MSH3: variants seen among roughly 807,000 people sequenced by gnomAD.
MSH3 encodes mutS homolog 3.
A neutral mutation model predicts 123.3 loss-of-function variants in MSH3; 106 were observed. That is an observed-to-expected ratio of 0.86 (90% confidence interval 0.73 to 1.01). The LOEUF (loss-of-function observed/expected upper bound fraction) is 1.01. MSH3 is among the 50% of genes least tolerant of loss of function. MSH3 has a pLI of 0.00. For missense variants in MSH3, 1,459 were observed against 1,347.6 expected, an observed-to-expected ratio of 1.08 and a Z score of -1.29; for synonymous variants, 515 against 481.4, an observed-to-expected ratio of 1.07 and a Z score of -0.91.
At chr5:80,784,225 AAAAAAAAAAAAAAAG>A (rs1278708820) in intron 17 of MSH3, among the ~76,000 whole-genome samples, 3 of 138,248 alleles carry the variant, frequency 2.2e-5, no homozygotes, top group East Asian at 2.1e-4. Context: ...AAAAAAAAAA[AAAAAAAAAAAAAAAG>A]GGAAATAAAT....
chr5:80,860,590 T>A (rs966352988), intron 21 of MSH3, among the ~76,000 whole-genome samples: 3 of 152,052 alleles, frequency 2.0e-5, no homozygotes, highest in Non-Finnish European at 1.5e-5. Context: ...TCAGTATTTT[T>A]TTTTTCTTTA....
chr5:80,757,633 G>A (rs1361001777), intron 12 of MSH3, among the ~76,000 whole-genome samples: 2 of 152,112 alleles, frequency 1.3e-5, no homozygotes, highest in Non-Finnish European at 2.9e-5. Context: ...CCTTCTTTCA[G>A]TTAATTTAAG....
intron 8 of MSH3, among the ~76,000 whole-genome samples, chr5:80,684,645 C>T (rs1750043915): frequency 6.6e-6 from 1 of 152,102 alleles, no homozygotes; most frequent in Admixed American, 6.6e-5. Flanking sequence ...GTCCTCCTTT[C>T]CAATTTGGAT....
chr5:80,658,153 G>C (rs1016106269), intron 2 of MSH3, among the ~76,000 whole-genome samples: 1 of 150,002 alleles, frequency 6.7e-6, no homozygotes, highest in East Asian at 2.0e-4. Context: ...TAACCTCCTG[G>C]GTTCAAGCAA....
At chr5:80,747,762 A>G (rs1580014990) in intron 12 of MSH3, among the ~76,000 whole-genome samples, 2 of 152,304 alleles carry the variant, frequency 1.3e-5, no homozygotes, top group Admixed American at 1.3e-4. Context: ...ATTGTGTTAC[A>G]GTAGCCTACA....
At chr5:80,655,038 C>T in intron 1 of MSH3, 74 bp downstream of exon 1, 1 of 890,110 alleles carries the variant, frequency 1.1e-6, no homozygotes, top group Non-Finnish European at 1.6e-6. Context: ...CGGGCGGAGG[C>T]GGGGACCCTC....
At chr5:80,779,663 A>G (rs1744374624) in intron 17 of MSH3, among the ~76,000 whole-genome samples, 1 of 147,976 alleles carries the variant, frequency 6.8e-6, no homozygotes. Context: ...CACCTCAGTC[A>G]TTCTCCCACC....
intron 2 of MSH3, among the ~76,000 whole-genome samples, chr5:80,662,435 C>T (rs917336764): frequency 7.2e-5 from 11 of 151,986 alleles, no homozygotes; most frequent in African/African-American, 4.8e-5. Context: ...GTAGCATCTG[C>T]CAGACATAAG....
At chr5:80,838,436 G>A (rs554825516) in intron 20 of MSH3, among the ~76,000 whole-genome samples, 1 of 152,284 alleles carries the variant, frequency 6.6e-6, no homozygotes, top group South Asian at 2.1e-4. Flanking sequence ...GTGGTGTCAG[G>A]ACAAAATGAG....
chr5:80,655,638 C>T (rs2112800190), intron 1 of MSH3: 1 of 181,906 alleles, frequency 5.5e-6, no homozygotes, highest in Middle Eastern at 2.1e-3. Context: ...AAGGGTGACC[C>T]CTCACTTGGG....
chr5:80,790,773 G>A (rs1476172722), intron 18 of MSH3, among the ~76,000 whole-genome samples: 1 of 152,054 alleles, frequency 6.6e-6, no homozygotes, highest in East Asian at 1.9e-4. Context: ...TTGTTCACCC[G>A]TAAAGGCAAA....
intron 4 of MSH3, among the ~76,000 whole-genome samples, chr5:80,672,016 C>A (rs898766939): frequency 1.3e-5 from 2 of 152,054 alleles, no homozygotes; most frequent in South Asian, 4.1e-4. Context: ...TTTATAGATA[C>A]AGATGTTGAT....
chr5:80,729,460 GTA>G lies in MSH3; in HGVS notation c.1568+514_1568+515del, dbSNP rs376372477. Among the ~76,000 whole-genome samples, 870 of 94,942 alleles carry G rather than the reference GTA, an allele frequency of 9.2e-3. 43 individuals are homozygous for G. The highest frequency in any genetic ancestry group is 0.024 in the Middle Eastern group (4 of 168). The allele number at this position is 94,942 out of a possible 152,430, so 62.3% of individuals were successfully genotyped here. A position where few individuals can be genotyped will look rare whatever the true frequency, so the allele number is the denominator to read the frequency against. On this transcript the variant is annotated intron_variant, in intron 10 of 23. Coordinates refer to ENST00000265081, the MANE Select transcript of MSH3 (RefSeq NM_002439.5). ...TGTGTGTGTGTGTGTGTGTGTGTGT[GTA>G]TATATATATATATATATAAAGAATT... is the stretch of plus-strand genomic sequence containing the variant.
chr5:80,654,696 C>T lies in MSH3; in HGVS notation c.-32C>T, dbSNP rs756094438. 3 of 1,570,200 alleles carry T rather than the reference C, an allele frequency of 1.9e-6. No homozygotes were observed. The highest frequency in any genetic ancestry group is 2.6e-6 in the Non-Finnish European group (3 of 1,159,148). Reference sequence around the variant, plus strand: ...CCGCGGGCTCGCGCTCCTCGCCAGGCCCTGCCGCCGGGCTGCCATCCTTGC... The same window carrying T: ...CCGCGGGCTCGCGCTCCTCGCCAGGTCCTGCCGCCGGGCTGCCATCCTTGC... On this transcript the variant is annotated 5_prime_UTR_variant, in exon 1 of 24. Transcript: ENST00000265081.
At chr5:80,757,078 C>CT (rs1220976890) in intron 12 of MSH3, among the ~76,000 whole-genome samples, 1 of 151,320 alleles carries the variant, frequency 6.6e-6, no homozygotes, top group Non-Finnish European at 1.5e-5. Flanking sequence ...CACCAGACAA[C>CT]TTTTTTTAAA....
chr5:80,779,942 T>C (rs1404703485), intron 17 of MSH3, among the ~76,000 whole-genome samples: 1 of 152,202 alleles, frequency 6.6e-6, no homozygotes, highest in African/African-American at 2.4e-5. Context: ...CTTTAGATTT[T>C]AAAATGAAAG....
At chr5:80,741,660 C>T (rs1743616819) in intron 11 of MSH3, 112 bp downstream of exon 11, 2 of 770,610 alleles carry the variant, frequency 2.6e-6, no homozygotes, top group South Asian at 2.8e-5. Context: ...CTTTAGCTGA[C>T]TGCAGTATTA....
chr5:80,755,384 G>A (rs1171737096), intron 12 of MSH3, among the ~76,000 whole-genome samples: 1 of 152,138 alleles, frequency 6.6e-6, no homozygotes. Flanking sequence ...TGAGGAAGAG[G>A]AATATTGGAG....
chr5:80,779,293 C>T (rs188519722), intron 17 of MSH3, among the ~76,000 whole-genome samples: 2 of 151,532 alleles, frequency 1.3e-5, no homozygotes, highest in East Asian at 2.0e-4. Context: ...GCACCCAGCC[C>T]GAAAGAAATT....
Sources: gnomAD v4.1 joint callset for allele counts (sites outside exome capture counted in the v4.1 genomes callset) on GRCh38, gnomAD v4.1.1 for gene constraint, MANE v1.5 for transcripts, NCBI Gene and HGNC (gene_info 2026-07-23, HGNC 2026-07-21) for gene names.